Variants in PRKN observed in about 807,000 individuals in gnomAD.
The protein encoded by PRKN is parkin RBR E3 ubiquitin protein ligase.
In PRKN, 56 loss-of-function variants were observed where a neutral mutation model predicts 59.5. The ratio of observed to expected loss-of-function variants is 0.94; its 90% confidence interval spans 0.76 to 1.18. The LOEUF is 1.18. PRKN is among the 50% of genes most tolerant of loss of function. The pLI is 0.00. For synonymous variants in PRKN, 250 were observed against 222.1 expected, an observed-to-expected ratio of 1.13 and a Z score of -1.12; for missense variants, 657 against 596.4, an observed-to-expected ratio of 1.10 and a Z score of -1.06.
chr6:161,828,109 GA>G (rs1410390233), intron 6 of PRKN, among the ~76,000 whole-genome samples: 1 of 152,126 alleles, frequency 6.6e-6, no homozygotes, highest in African/African-American at 2.4e-5. Flanking sequence ...TGAATAAATA[GA>G]AAGATTCCCT....
At chr6:162,290,728 G>A (rs1469140710) in intron 2 of PRKN, among the ~76,000 whole-genome samples, 1 of 152,118 alleles carries the variant, frequency 6.6e-6, no homozygotes, top group Non-Finnish European at 1.5e-5. Context: ...TTTCCTCTTT[G>A]CAGACTGCCT....
intron 7 of PRKN, among the ~76,000 whole-genome samples, chr6:161,713,597 T>C (rs2128183110): frequency 6.6e-6 from 1 of 152,344 alleles, no homozygotes; most frequent in South Asian, 2.1e-4. Context: ...ATATAGTTCC[T>C]ATTACACCAC....
At chr6:162,261,921 C>T (rs1325685784) in intron 3 of PRKN, among the ~76,000 whole-genome samples, 1 of 152,128 alleles carries the variant, frequency 6.6e-6, no homozygotes, top group East Asian at 1.9e-4. Context: ...GAAGGCCATA[C>T]CAGCCCACAA....
intron 2 of PRKN, among the ~76,000 whole-genome samples, chr6:162,337,160 C>T (rs2105725): frequency 8.2e-4 from 125 of 152,212 alleles, no homozygotes; most frequent in Middle Eastern, 3.4e-3. Context: ...CCACTTTTAG[C>T]CACAAGATTA....
At chr6:162,721,549 C>A (rs76190375) in intron 1 of PRKN, among the ~76,000 whole-genome samples, 2,308 of 152,186 alleles carry the variant, frequency 0.015, 66 homozygotes, top group African/African-American at 0.053. Context: ...TCTAGAAGGC[C>A]GCCTTCACCT....
chr6:162,252,313 A>C (rs1004193339), intron 3 of PRKN, among the ~76,000 whole-genome samples: 1 of 152,206 alleles, frequency 6.6e-6, no homozygotes, highest in African/African-American at 2.4e-5. Context: ...CAGGTGAAGA[A>C]TTCAGGAATA....
At chr6:161,604,490 G>T (rs938221479) in intron 7 of PRKN, among the ~76,000 whole-genome samples, 2 of 152,124 alleles carry the variant, frequency 1.3e-5, no homozygotes, top group Non-Finnish European at 2.9e-5. Flanking sequence ...AGGCCTTTAG[G>T]GCAGAACGGG....
intron 4 of PRKN, among the ~76,000 whole-genome samples, chr6:162,054,487 C>T (rs1469087828): frequency 6.6e-6 from 1 of 152,196 alleles, no homozygotes; most frequent in Non-Finnish European, 1.5e-5. Context: ...GACTTTGCTC[C>T]ACTTCTGTGT....
At chr6:162,720,006 A>G (rs904396628) in intron 1 of PRKN, among the ~76,000 whole-genome samples, 2 of 152,098 alleles carry the variant, frequency 1.3e-5, no homozygotes, top group Non-Finnish European at 2.9e-5. Flanking sequence ...TCAGGTGTCT[A>G]CTTCCTATCA....
At chr6:161,715,273 A>T (rs1786926072) in intron 7 of PRKN, among the ~76,000 whole-genome samples, 1 of 152,228 alleles carries the variant, frequency 6.6e-6, no homozygotes, top group African/African-American at 2.4e-5. Flanking sequence ...TATAATTTGA[A>T]TCAGAGAATG....
chr6:162,103,042 C>CAA lies in PRKN; in HGVS notation c.535-48870_535-48869dup, dbSNP rs1163020488. Among the ~76,000 whole-genome samples the CAA allele has an allele frequency of 3.9e-3, 209 of 54,280 alleles. 2 individuals are homozygous for CAA. Among genetic ancestry groups the CAA allele is most frequent in the African/African-American group, 0.012 (192 of 15,758 alleles). The allele number at this position is 54,280 out of a possible 152,430, so 35.6% of individuals were successfully genotyped here. ...TGGGCGAAAGAGCGAGACTCTGTCT[C>CAA]AAAAAAAAAAAAAAAAAGAAAAAAA... On this transcript the variant is annotated intron_variant, in intron 4 of 11. Coordinates refer to ENST00000366898, the MANE Select transcript of PRKN (RefSeq NM_004562.3).
intron 5 of PRKN, among the ~76,000 whole-genome samples, chr6:161,979,030 T>C (rs1455643504): frequency 1.3e-5 from 2 of 152,096 alleles, no homozygotes; most frequent in South Asian, 2.1e-4. Flanking sequence ...TACAGAAAGA[T>C]TCCCCCACCT....
intron 7 of PRKN, among the ~76,000 whole-genome samples, chr6:161,585,833 C>G (rs1323096224): frequency 6.6e-6 from 1 of 152,110 alleles, no homozygotes; most frequent in East Asian, 1.9e-4. Flanking sequence ...AGAAGACAAC[C>G]CAGCCAGGCA....
intron 4 of PRKN, among the ~76,000 whole-genome samples, chr6:162,069,153 A>AG (rs1357905397): frequency 6.6e-6 from 1 of 152,058 alleles, no homozygotes; most frequent in Admixed American, 6.6e-5. Context: ...GTGTTGTGGG[A>AG]GGCACCTAGA....
At chr6:161,897,987 C>T in intron 6 of PRKN, among the ~76,000 whole-genome samples, 3 of 71,886 alleles carry the variant, frequency 4.2e-5, no homozygotes, top group South Asian at 5.4e-4. Flanking sequence ...AAAAAAAAGT[C>T]TCCCAGTTGC....
chr6:161,383,561 T>C (rs1211464707), intron 10 of PRKN, among the ~76,000 whole-genome samples: 1 of 152,158 alleles, frequency 6.6e-6, no homozygotes, highest in Non-Finnish European at 1.5e-5. Flanking sequence ...TCCCTTCCTG[T>C]GTGGGGCTAC....
chr6:161,605,693 A>T (rs1782253272), intron 7 of PRKN, among the ~76,000 whole-genome samples: 1 of 152,096 alleles, frequency 6.6e-6, no homozygotes, highest in Non-Finnish European at 1.5e-5. Flanking sequence ...TGTACTTAGT[A>T]GAGATGGGGT....
At chr6:162,161,588 C>T (rs574008569) in intron 4 of PRKN, among the ~76,000 whole-genome samples, 69 of 152,264 alleles carry the variant, frequency 4.5e-4, no homozygotes, top group African/African-American at 1.5e-3. Flanking sequence ...CCGGCGTATC[C>T]ACCCTGTTTC....
chr6:161,509,335 C>A (rs2115326652), intron 9 of PRKN, among the ~76,000 whole-genome samples: 1 of 152,110 alleles, frequency 6.6e-6, no homozygotes, highest in African/African-American at 2.4e-5. Context: ...GTTTATTCAT[C>A]CTCGCAGAGA....
Sources: allele counts gnomAD v4.1 joint callset (sites outside exome capture counted in the v4.1 genomes callset), GRCh38; gene constraint gnomAD v4.1.1; transcripts MANE v1.5; gene names NCBI Gene and HGNC (gene_info 2026-07-23, HGNC 2026-07-21).